Variants in NCEH1 observed in about 807,000 individuals in gnomAD.
The protein encoded by NCEH1 is neutral cholesterol ester hydrolase 1.
Under a neutral mutation model 25.4 loss-of-function variants are expected in NCEH1, and 9 were observed. The ratio of observed to expected loss-of-function variants is 0.35; its 90% CI spans 0.21 to 0.62. The LOEUF is 0.62. NCEH1 is among the 20% of genes least tolerant of loss of function. The pLI is 0.72. For missense variants in NCEH1, 412 were observed against 501.1 expected (o/e 0.82, Z 1.70); for synonymous variants, 200 against 199.8 (o/e 1.00, Z -0.01).
chr3:172,673,387 G>A (rs1315432383), intron 1 of NCEH1, among the ~76,000 whole-genome samples: 2 of 152,210 alleles, frequency 1.3e-5, no homozygotes, highest in African/African-American at 2.4e-5. Flanking sequence ...TAAAGCAGGA[G>A]AGGCAGTAGT....
intron 1 of NCEH1, among the ~76,000 whole-genome samples, chr3:172,703,649 C>G (rs1713825483): frequency 6.6e-6 from 1 of 151,824 alleles, no homozygotes; most frequent in Non-Finnish European, 1.5e-5. Flanking sequence ...ACAGAAATGT[C>G]TCAGATCAAG....
chr3:172,654,506 T>A (rs1335641299), intron 1 of NCEH1, among the ~76,000 whole-genome samples: 1 of 152,236 alleles, frequency 6.6e-6, no homozygotes, highest in Non-Finnish European at 1.5e-5. Context: ...TTTCCTATTA[T>A]GCACATTTGT....
At chr3:172,691,238 G>A (rs1713016512) in intron 1 of NCEH1, among the ~76,000 whole-genome samples, 1 of 152,144 alleles carries the variant, frequency 6.6e-6, no homozygotes, top group South Asian at 2.1e-4. Flanking sequence ...ATCCATGTCA[G>A]ACATCCCTTC....
intron 1 of NCEH1, among the ~76,000 whole-genome samples, chr3:172,668,840 A>C (rs1346887450): frequency 6.6e-6 from 1 of 152,202 alleles, no homozygotes; most frequent in Admixed American, 6.5e-5. Flanking sequence ...CAGAAGGCAG[A>C]GCGTGAGCAA....
At chr3:172,696,005 T>C (rs1713348506) in intron 1 of NCEH1, among the ~76,000 whole-genome samples, 1 of 152,142 alleles carries the variant, frequency 6.6e-6, no homozygotes, top group South Asian at 2.1e-4. Flanking sequence ...GCTATGATAA[T>C]GATGATTCAT....
intron 1 of NCEH1, among the ~76,000 whole-genome samples, chr3:172,649,206 A>G (rs963819497): frequency 1.3e-5 from 2 of 152,076 alleles, no homozygotes; most frequent in African/African-American, 4.8e-5. Flanking sequence ...AAACATTATA[A>G]CTGTGTGTGT....
At chr3:172,680,273 G>A (rs1577079636) in intron 1 of NCEH1, among the ~76,000 whole-genome samples, 1 of 152,196 alleles carries the variant, frequency 6.6e-6, no homozygotes, top group African/African-American at 2.4e-5. Context: ...CTAAGAGGAC[G>A]ACTTGTAATG....
chr3:172,711,031 G>A lies in NCEH1; in HGVS notation c.-47C>T. On this transcript the variant is annotated 5_prime_UTR_variant, in exon 1 of 5. Transcript: ENST00000475381. Reference sequence around the variant, plus strand: ...AGCGGGCTGGCAAAGAGGAAAGGGCGATACCACCCGGAGACCTCCGGCAAC... The same window carrying A: ...AGCGGGCTGGCAAAGAGGAAAGGGCAATACCACCCGGAGACCTCCGGCAAC... 3 of 1,613,082 alleles carry A rather than the reference G, an allele frequency of 1.9e-6. No homozygotes were observed. Among genetic ancestry groups the A allele is most frequent in the African/African-American group, 1.3e-5 (1 of 75,070 alleles).
intron 1 of NCEH1, among the ~76,000 whole-genome samples, chr3:172,661,385 T>C (rs1432128553): frequency 6.6e-6 from 1 of 152,244 alleles, no homozygotes; most frequent in Admixed American, 6.5e-5. Context: ...AGCCTTATAG[T>C]ATAGTTTGAA....
chr3:172,640,456 CA>C (rs994577939), intron 3 of NCEH1, among the ~76,000 whole-genome samples: 2 of 150,218 alleles, frequency 1.3e-5, no homozygotes. Flanking sequence ...ATCACAAGGT[CA>C]AAAAAAAAGC....
At chr3:172,653,765 T>TGG (rs546964889) in intron 1 of NCEH1, among the ~76,000 whole-genome samples, 1 of 134,382 alleles carries the variant, frequency 7.4e-6, no homozygotes. Context: ...TTTTTGTTTT[T>TGG]TTTTTTTTTT....
chr3:172,634,816 CAT>C (rs1716531172), intron 4 of NCEH1, among the ~76,000 whole-genome samples: 1 of 152,186 alleles, frequency 6.6e-6, no homozygotes, highest in Admixed American at 6.5e-5. Context: ...CATGAAGCTT[CAT>C]AGACAACTAA....
intron 1 of NCEH1, among the ~76,000 whole-genome samples, chr3:172,672,082 A>T: frequency 6.6e-6 from 1 of 152,196 alleles, no homozygotes; most frequent in East Asian, 1.9e-4. Flanking sequence ...TGCCTTACAC[A>T]GGGGTAGCAT....
chr3:172,678,495 A>G (rs577185425), intron 1 of NCEH1, among the ~76,000 whole-genome samples: 53 of 152,286 alleles, frequency 3.5e-4, no homozygotes, highest in African/African-American at 1.3e-3. Context: ...ACTCCTTCCA[A>G]ACGTTTAGTC....
In NCEH1 at chr3:172,685,648, C is replaced by A. The variant is rs574908480; in HGVS notation, c.138+25199G>T. Among the ~76,000 whole-genome samples the A allele has an allele frequency of 2.6e-5, 4 of 152,274 alleles. No homozygotes were observed. The South Asian group carries it at 6.2e-4, about 24-fold the overall frequency. On this transcript the variant is annotated intron_variant, in intron 1 of 4. Transcript: ENST00000475381. ...CCAGTTTATCTCAATGCTTCTGCAA[C>A]CCTAACTTTTTTTTTCTCTTCCCCT...
chr3:172,679,619 T>A (rs1211896796), intron 1 of NCEH1, among the ~76,000 whole-genome samples: 1 of 151,728 alleles, frequency 6.6e-6, no homozygotes, highest in Non-Finnish European at 1.5e-5. Flanking sequence ...AGCCAGATAG[T>A]AAGGGTAAAG....
chr3:172,710,508 G>A (rs953404251), intron 1 of NCEH1, among the ~76,000 whole-genome samples: 1 of 152,192 alleles, frequency 6.6e-6, no homozygotes, highest in Non-Finnish European at 1.5e-5. Context: ...TGTGAAGAAG[G>A]GTGGTTTATA....
rs1716411384 is a variant in NCEH1 at position 172,632,535 on chromosome 3, A to AT, written c.*939dup. 1 of 152,562 alleles carries AT rather than the reference A, an allele frequency of 6.6e-6. No individual in the cohort carries two copies. Among genetic ancestry groups the AT allele is most frequent in the South Asian group, 2.1e-4 (1 of 4,830 alleles). 9.5% of individuals were successfully genotyped at this position (152,562 alleles called of 1,614,324 possible). Reference sequence around the variant, plus strand: ...ATAATAGACTAGACCTTCTAAAGGTATTTTTAACAATTTTGAACTAATATT... The same window carrying AT: ...ATAATAGACTAGACCTTCTAAAGGTATTTTTTAACAATTTTGAACTAATATT... On this transcript the variant is annotated 3_prime_UTR_variant, in exon 5 of 5. Transcript: ENST00000475381.
intron 1 of NCEH1, among the ~76,000 whole-genome samples, chr3:172,652,429 C>T (rs1283957908): frequency 6.6e-6 from 1 of 152,170 alleles, no homozygotes; most frequent in African/African-American, 2.4e-5. Flanking sequence ...GGATCAAACA[C>T]CAAGGATCGG....
Sources: gnomAD v4.1 joint callset for allele counts (sites outside exome capture counted in the v4.1 genomes callset) on GRCh38, gnomAD v4.1.1 for gene constraint, MANE v1.5 for transcripts, NCBI Gene and HGNC (gene_info 2026-07-23, HGNC 2026-07-21) for gene names.